The following WFDC1 variants were observed in gnomAD, a reference collection of about 807,000 sequenced individuals.
WFDC1 encodes the protein WAP four-disulfide core domain 1.
Under a neutral mutation model 32.9 loss-of-function variants are expected in WFDC1, and 39 were observed. The observed-to-expected ratio is 1.19, with a 90% CI of 0.92 to 1.55. The LOEUF is 1.55. WFDC1 is among the 40% of genes most tolerant of loss of function. The pLI is 0.00. For synonymous variants in WFDC1, 184 were observed against 137.4 expected (o/e 1.34, Z -2.37); for missense variants, 386 against 309.5 (o/e 1.25, Z -1.85).
At chr16:84,313,928 G>A (rs1907799381) in intron 2 of WFDC1, among the ~76,000 whole-genome samples, 1 of 152,130 alleles carries the variant, frequency 6.6e-6, no homozygotes, top group Non-Finnish European at 1.5e-5. Flanking sequence ...TCAAATCCCA[G>A]CTACTTGGGA....
intron 2 of WFDC1, among the ~76,000 whole-genome samples, chr16:84,314,633 A>G (rs1225662615): frequency 6.6e-6 from 1 of 152,214 alleles, no homozygotes; most frequent in Non-Finnish European, 1.5e-5. Flanking sequence ...TTACAGTCTT[A>G]TAATGCTCAT....
At chr16:84,295,386 T>C (rs1041802694) in intron 1 of WFDC1, 2 of 500,182 alleles carry the variant, frequency 4.0e-6, no homozygotes, top group African/African-American at 1.9e-5. Flanking sequence ...TACAAAAGTA[T>C]GCTTGCTCCT....
chr16:84,299,472 A>C (rs1906806755), intron 1 of WFDC1, among the ~76,000 whole-genome samples: 1 of 152,160 alleles, frequency 6.6e-6, no homozygotes. Flanking sequence ...TAAATAGTCC[A>C]ATAACCTTTC....
intron 4 of WFDC1, among the ~76,000 whole-genome samples, chr16:84,321,582 G>A (rs1454960191): frequency 6.6e-6 from 1 of 152,136 alleles, no homozygotes; most frequent in African/African-American, 2.4e-5. Context: ...CTAAGACCAA[G>A]GTCAAACCAA....
At chr16:84,296,359 G>A (rs1906596948) in intron 1 of WFDC1, among the ~76,000 whole-genome samples, 1 of 152,182 alleles carries the variant, frequency 6.6e-6, no homozygotes, top group Non-Finnish European at 1.5e-5. Flanking sequence ...TGTGCCCCTG[G>A]TGCCTGCCAT....
chr16:84,325,999 C>G (rs889914370), intron 5 of WFDC1: 9 of 151,592 alleles, frequency 5.9e-5, no homozygotes, highest in Admixed American at 5.9e-4. Flanking sequence ...TGTATCCATT[C>G]ATCCATCCAC....
intron 1 of WFDC1, among the ~76,000 whole-genome samples, chr16:84,305,421 G>A (rs1002258552): frequency 6.6e-6 from 1 of 152,218 alleles, no homozygotes; most frequent in East Asian, 1.9e-4. Flanking sequence ...GGAACTCTGC[G>A]AGTTGTTTGC....
intron 2 of WFDC1, among the ~76,000 whole-genome samples, chr16:84,313,521 T>C (rs1412852947): frequency 6.6e-6 from 1 of 152,210 alleles, no homozygotes; most frequent in Non-Finnish European, 1.5e-5. Context: ...GTGGGATTTC[T>C]CATTTAAAAG....
chr16:84,305,604 C>T (rs966642870), intron 1 of WFDC1, among the ~76,000 whole-genome samples: 2 of 152,148 alleles, frequency 1.3e-5, no homozygotes, highest in Admixed American at 6.5e-5. Flanking sequence ...TTCACTAAAT[C>T]ATCTGGGAGT....
At chr16:84,296,724 A>G (rs529733924) in intron 1 of WFDC1, among the ~76,000 whole-genome samples, 1 of 152,290 alleles carries the variant, frequency 6.6e-6, no homozygotes, top group Admixed American at 6.5e-5. Flanking sequence ...GGGAAAGCTC[A>G]TGTGAGATGG....
intron 1 of WFDC1, among the ~76,000 whole-genome samples, chr16:84,309,664 C>A (rs974246268): frequency 6.6e-6 from 1 of 152,082 alleles, no homozygotes; most frequent in Non-Finnish European, 1.5e-5. Context: ...ATCAGCTTCA[C>A]TGGACTGAGA....
At chr16:84,308,622 C>T (rs929828766) in intron 1 of WFDC1, among the ~76,000 whole-genome samples, 1 of 152,208 alleles carries the variant, frequency 6.6e-6, no homozygotes, top group Admixed American at 6.5e-5. Flanking sequence ...TAGATGCCAG[C>T]CTGAGTGTAG....
chr16:84,320,085 A>G (rs1321049791), intron 4 of WFDC1, among the ~76,000 whole-genome samples: 1 of 152,158 alleles, frequency 6.6e-6, no homozygotes, highest in Non-Finnish European at 1.5e-5. Context: ...TTCTGTAGAA[A>G]CTGTACTTCA....
At chr16:84,326,048 A>AT (rs11415169) in intron 5 of WFDC1, 147,618 of 150,842 alleles carry the variant, frequency 0.98, 72,310 homozygotes, top group Non-Finnish European at 1. Context: ...CCAGCCAGCC[A>AT]CTATCCATCC....
Position 84,313,343 on chromosome 16 carries a change from T to C in WFDC1, c.337+190T>C, listed in dbSNP as rs548326145. The stretch of plus-strand genomic sequence containing the variant: ...GCGTGGCGCTGCTGTGCAGCTGCTG[T>C]GTGTCCCACTGCCCCTGGGGACTTG... On this transcript the variant is annotated intron_variant, in intron 2 of 6. Transcript: ENST00000219454. 6.6e-5 allele frequency among the ~76,000 whole-genome samples: 10 copies of C among 152,290 alleles called. No individual in the cohort carries two copies. In the East Asian group the frequency reaches 1.9e-3, roughly 29 times the overall value.
chr16:84,300,058 A>T (rs1906843563), intron 1 of WFDC1, among the ~76,000 whole-genome samples: 1 of 152,090 alleles, frequency 6.6e-6, no homozygotes, highest in Admixed American at 6.5e-5. Context: ...ACATCCTTTT[A>T]TTTTTTGCTG....
intron 5 of WFDC1, chr16:84,326,641 T>C (rs1908618064): frequency 2.0e-6 from 1 of 497,792 alleles, no homozygotes; most frequent in African/African-American, 1.9e-5. Flanking sequence ...AGCTGGAGTG[T>C]GTGGTGAGCT....
At chr16:84,314,055 A>C (rs935529177) in intron 2 of WFDC1, among the ~76,000 whole-genome samples, 4 of 152,106 alleles carry the variant, frequency 2.6e-5, no homozygotes, top group African/African-American at 9.7e-5. Flanking sequence ...AAAAAAAAGA[A>C]AGAAAAAGAA....
At position 84,313,035 on chromosome 16, in the gene WFDC1, G is replaced by A; in HGVS notation, c.219G>A (p.Leu73=). Residue 73 remains leucine, a synonymous_variant, in exon 2 of 7, where the codon CTG becomes CTA. Coordinates refer to ENST00000219454, the MANE Select transcript of WFDC1 (RefSeq NM_021197.4). The part of the protein sequence containing the change: ...ADRCPPPPRT[L]PPGACQAARC... The stretch of plus-strand genomic sequence containing the variant: ...GCTGCCCGCCGCCTCCGCGGACGCT[G>A]CCCCCCGGCGCCTGCCAGGCCGCGC... 2 of 1,351,706 alleles carry A rather than the reference G, an allele frequency of 1.5e-6. No individual in the cohort carries two copies. Among genetic ancestry groups the A allele is most frequent in the South Asian group, 3.5e-5 (2 of 56,418 alleles). The allele number at this position is 1,351,706 out of a possible 1,614,324, so 83.7% of individuals were successfully genotyped here.
Sources: gnomAD v4.1 joint callset for allele counts (sites outside exome capture counted in the v4.1 genomes callset) on GRCh38, gnomAD v4.1.1 for gene constraint, MANE v1.5 for transcripts, NCBI Gene and HGNC (gene_info 2026-07-23, HGNC 2026-07-21) for gene names.